PRUNE2: variants seen among roughly 807,000 people sequenced by gnomAD.
PRUNE2 encodes the protein protein prune homolog 2.
Under a neutral mutation model 252.0 loss-of-function variants are expected in PRUNE2, and 164 were observed. The observed-to-expected ratio is 0.65, with a 90% CI of 0.57 to 0.74. The LOEUF (loss-of-function observed/expected upper bound fraction) is 0.74. Among genes scored for constraint, PRUNE2 ranks in the 30% least tolerant of loss-of-function variants. The pLI is 0.00. For missense variants in PRUNE2, 3,495 were observed against 3,711.0 expected, an observed-to-expected ratio of 0.94 and a Z score of 1.51; for synonymous variants, 1,292 against 1,350.2, an observed-to-expected ratio of 0.96 and a Z score of 0.94.
intron 9 of PRUNE2, among the ~76,000 whole-genome samples, chr9:76,672,825 G>T (rs2041785930): frequency 7.3e-6 from 1 of 137,778 alleles, no homozygotes; most frequent in Admixed American, 7.4e-5. Context: ...ACGAAATGAA[G>T]GCAGAAATAA....
chr9:76,844,413 T>C (rs2059561795), intron 4 of PRUNE2, among the ~76,000 whole-genome samples: 1 of 152,158 alleles, frequency 6.6e-6, no homozygotes, highest in African/African-American at 2.4e-5. Context: ...CTTCCTGCCA[T>C]GCATGGAAGT....
chr9:76,867,153 T>A (rs1161699048), intron 1 of PRUNE2, among the ~76,000 whole-genome samples: 1 of 152,038 alleles, frequency 6.6e-6, no homozygotes, highest in Non-Finnish European at 1.5e-5. Context: ...CCACGCACCT[T>A]TCTCCTCCCC....
intron 15 of PRUNE2, among the ~76,000 whole-genome samples, chr9:76,634,532 A>G (rs1470321166): frequency 1.3e-5 from 2 of 151,942 alleles, no homozygotes; most frequent in Non-Finnish European, 2.9e-5. Context: ...TGATCAGACC[A>G]TGACCATATA....
chr9:76,891,962 G>A (rs977758149), intron 1 of PRUNE2, among the ~76,000 whole-genome samples: 4 of 152,086 alleles, frequency 2.6e-5, no homozygotes, highest in South Asian at 2.1e-4. Context: ...ACTGTGCTCC[G>A]AGTGACCACA....
intron 1 of PRUNE2, among the ~76,000 whole-genome samples, chr9:76,902,144 C>T (rs916436325): frequency 2.6e-5 from 4 of 152,160 alleles, no homozygotes; most frequent in Non-Finnish European, 5.9e-5. Flanking sequence ...CCAGATGATT[C>T]CTCATGTACT....
At chr9:76,621,798 C>T (rs1191023982) in intron 17 of PRUNE2, among the ~76,000 whole-genome samples, 3 of 152,110 alleles carry the variant, frequency 2.0e-5, no homozygotes. Context: ...CCTCCCACCT[C>T]AGCCTCCCAT....
In PRUNE2 at chr9:76,874,171, T is replaced by A. The variant is rs150381673; in HGVS notation, c.37-19963A>T. Among the ~76,000 whole-genome samples the A allele has an allele frequency of 2.2e-3, 336 of 152,324 alleles. 1 individual carries two copies. The highest frequency in any genetic ancestry group is 7.7e-3 in the African/African-American group (321 of 41,582). ...TGAGGGTTTTAAAAGGAAGGAGAACTGACTGTCTCCCAAAGAGTCACATAA... is the reference window on the plus strand; with the variant it reads ...TGAGGGTTTTAAAAGGAAGGAGAACAGACTGTCTCCCAAAGAGTCACATAA... On this transcript the variant is annotated intron_variant, in intron 1 of 18. Transcript: ENST00000376718.
chr9:76,845,568 C>G (rs987949423), intron 4 of PRUNE2, among the ~76,000 whole-genome samples: 32 of 152,284 alleles, frequency 2.1e-4, no homozygotes, highest in African/African-American at 7.5e-4. Context: ...TAAACCTTTA[C>G]AAGAATTATA....
chr9:76,837,591 C>T (rs2059099884), intron 4 of PRUNE2, among the ~76,000 whole-genome samples: 1 of 151,354 alleles, frequency 6.6e-6, no homozygotes, highest in Non-Finnish European at 1.5e-5. Flanking sequence ...AGGGGTATTT[C>T]TATGGCATTA....
chr9:76,668,554 G>A (rs1268342993), intron 9 of PRUNE2, among the ~76,000 whole-genome samples: 4 of 152,036 alleles, frequency 2.6e-5, no homozygotes, highest in Admixed American at 6.6e-5. Flanking sequence ...TCTGATCTGT[G>A]AAAAGGGCCT....
At chr9:76,726,550 A>G (rs1564160941) in intron 6 of PRUNE2, among the ~76,000 whole-genome samples, 1 of 152,212 alleles carries the variant, frequency 6.6e-6, no homozygotes, top group Non-Finnish European at 1.5e-5. Context: ...TTTTATTTTC[A>G]TGTTAATTTT....
At chr9:76,845,815 T>G (rs1263825149) in intron 4 of PRUNE2, among the ~76,000 whole-genome samples, 1 of 152,156 alleles carries the variant, frequency 6.6e-6, no homozygotes, top group Non-Finnish European at 1.5e-5. Context: ...ACCAGAACAG[T>G]GTCCTCTGTA....
At chr9:76,827,040 AGAT>A (rs1457454962) in intron 4 of PRUNE2, among the ~76,000 whole-genome samples, 1 of 152,362 alleles carries the variant, frequency 6.6e-6, no homozygotes, top group East Asian at 1.9e-4. Context: ...ACACACAAAA[AGAT>A]ATGCATTGGT....
intron 18 of PRUNE2, 50 bp from the exon 19 acceptor site, chr9:76,614,650 C>T (rs1348835600): frequency 1.4e-6 from 2 of 1,418,862 alleles, no homozygotes; most frequent in Non-Finnish European, 2.0e-6. Flanking sequence ...AAATGAGAGA[C>T]ATTTAGTAAT....
chr9:76,649,612 T>TGATTGATA (rs1554795863), intron 11 of PRUNE2, among the ~76,000 whole-genome samples: 4 of 149,868 alleles, frequency 2.7e-5, no homozygotes, highest in Admixed American at 6.7e-5. Context: ...GATAGATAGA[T>TGATTGATA]GATAGATAGA....
At chr9:76,762,590 T>A (rs541897393) in intron 6 of PRUNE2, among the ~76,000 whole-genome samples, 2 of 152,284 alleles carry the variant, frequency 1.3e-5, no homozygotes, top group South Asian at 4.1e-4. Flanking sequence ...CCCTGGACCA[T>A]CCTTTTCAAA....
chr9:76,888,567 A>C (rs2062249691), intron 1 of PRUNE2, among the ~76,000 whole-genome samples: 1 of 148,210 alleles, frequency 6.7e-6, no homozygotes, highest in South Asian at 2.2e-4. Flanking sequence ...ACAGAGTGAG[A>C]CTCCATCTCA....
intron 6 of PRUNE2, among the ~76,000 whole-genome samples, chr9:76,714,395 A>G (rs1434751266): frequency 6.6e-6 from 1 of 152,050 alleles, no homozygotes; most frequent in Non-Finnish European, 1.5e-5. Flanking sequence ...GTATGTATGT[A>G]CTTATTTATT....
At position 76,801,484 on chromosome 9, in the gene PRUNE2, G is replaced by T. The variant is rs185495282; in HGVS notation, c.756+22148C>A. Among the ~76,000 whole-genome samples, 12 of 151,654 alleles carry T rather than the reference G, an allele frequency of 7.9e-5. No homozygotes were observed. In the East Asian group the frequency reaches 2.1e-3, roughly 27 times the overall value. ...CTTTAATAAGAGCTATTTCTACTGG[G>T]CCTTTTTTTTGAAATGAGCAACTCT... is the stretch of plus-strand genomic sequence containing the variant. On this transcript the variant is annotated intron_variant, in intron 6 of 18. Coordinates refer to ENST00000376718, the MANE Select transcript of PRUNE2 (RefSeq NM_015225.3).
Sources: allele counts gnomAD v4.1 joint callset (sites outside exome capture counted in the v4.1 genomes callset), GRCh38; gene constraint gnomAD v4.1.1; transcripts MANE v1.5; gene names NCBI Gene and HGNC (gene_info 2026-07-23, HGNC 2026-07-21).